Variants in RAD51 observed in about 807,000 individuals in gnomAD.
RAD51 encodes the protein RAD51 recombinase, also known as DNA repair protein RAD51 homolog 1.
A neutral mutation model predicts 41.5 loss-of-function variants in RAD51; 14 were observed. The observed-to-expected ratio is 0.34, with a 90% CI of 0.22 to 0.53. The LOEUF is 0.53. Ranked by LOEUF, RAD51 falls within the 20% of genes least tolerant of loss-of-function variation. RAD51 has a pLI of 0.95. For synonymous variants in RAD51, 136 were observed against 148.6 expected (o/e 0.92, Z 0.62); for missense variants, 234 against 422.0 (o/e 0.55, Z 3.90).
chr15:40,718,879 G>C lies in RAD51; in HGVS notation c.510G>C (p.Arg170=), dbSNP rs749483727. 6.2e-7 allele frequency: 1 copy of C among 1,612,378 alleles called. No homozygotes were observed. The highest frequency in any genetic ancestry group is 1.1e-5 in the South Asian group (1 of 91,056). ...IDTEGTFRPE[R]LLAVAERYGL... is the part of the protein sequence containing the mutation. ...CTGAGGGTACCTTTAGGCCAGAACG[G>C]CTGCTGGCAGTGGCTGAGAGGTAGG... Residue 170 remains arginine, a synonymous_variant, in exon 6 of 10, where the codon CGG becomes CGC. Coordinates refer to ENST00000267868, the MANE Select transcript of RAD51 (RefSeq NM_002875.5).
chr15:40,702,578 T>G (rs45545735), intron 3 of RAD51, among the ~76,000 whole-genome samples: 1,877 of 152,246 alleles, frequency 0.012, 22 homozygotes, highest in Middle Eastern at 0.031. Flanking sequence ...AATGGTGCAA[T>G]TTTGGCTCTG....
At chr15:40,715,050 AG>A in intron 5 of RAD51, among the ~76,000 whole-genome samples, 1 of 152,248 alleles carries the variant, frequency 6.6e-6, no homozygotes, top group East Asian at 1.9e-4. Flanking sequence ...ATTTAACATA[AG>A]TACCAGTTTT....
At chr15:40,710,949 C>A (rs762499539) in intron 5 of RAD51, among the ~76,000 whole-genome samples, 4 of 152,172 alleles carry the variant, frequency 2.6e-5, no homozygotes, top group Non-Finnish European at 4.4e-5. Context: ...AAAAAACCTT[C>A]CCTGGACCCC....
At chr15:40,729,752 G>C in intron 8 of RAD51, 101 bp from the exon 9 acceptor site, 1 of 1,610,336 alleles carries the variant, frequency 6.2e-7, no homozygotes, top group Non-Finnish European at 8.5e-7. Context: ...GAAGAAGAGA[G>C]ACATTAGTTA....
At chr15:40,721,727 A>C (rs185232832) in intron 6 of RAD51, among the ~76,000 whole-genome samples, 143 of 152,324 alleles carry the variant, frequency 9.4e-4, no homozygotes, top group Non-Finnish European at 1.7e-3. Context: ...AAATAACTTT[A>C]GACCCTTACT....
intron 5 of RAD51, 49 bp from the exon 6 acceptor site, chr15:40,718,756 G>A: frequency 2.7e-6 from 4 of 1,462,486 alleles, no homozygotes; most frequent in Non-Finnish European, 2.9e-6. Flanking sequence ...TTGGTCAGCT[G>A]TATCAGAAAT....
At position 40,715,728 on chromosome 15, in the gene RAD51, C is replaced by A. The variant is rs1395867077; in HGVS notation, c.436-3077C>A. ...CACTATCCTGTTGTCAGTCTACCTA[C>A]CTATTCCCAATCATCTGTGGCCTTT... is the stretch of plus-strand genomic sequence containing the variant. On this transcript the variant is annotated intron_variant, in intron 5 of 9. Transcript: ENST00000267868. 2.0e-5 allele frequency among the ~76,000 whole-genome samples: 3 copies of A among 152,180 alleles called. 1 individual carries two copies. Among genetic ancestry groups the A allele is most frequent in the Non-Finnish European group, 2.9e-5 (2 of 68,042 alleles).
At chr15:40,730,917 G>A in intron 9 of RAD51, 138 bp from the exon 10 acceptor site, 2 of 1,156,854 alleles carry the variant, frequency 1.7e-6, no homozygotes, top group South Asian at 1.5e-5. Flanking sequence ...AATGCACTAA[G>A]GAAAACAGTA....
chr15:40,711,350 C>T (rs1895696587), intron 5 of RAD51, among the ~76,000 whole-genome samples: 2 of 152,212 alleles, frequency 1.3e-5, no homozygotes, highest in African/African-American at 4.8e-5. Context: ...ATCTCTTGAG[C>T]CCAAGAGGTC....
chr15:40,710,545 T>C (rs532282354), intron 5 of RAD51, among the ~76,000 whole-genome samples: 1 of 140,332 alleles, frequency 7.1e-6, no homozygotes, highest in Non-Finnish European at 1.6e-5. Flanking sequence ...AGGAAAAAAA[T>C]TCAAGATGAC....
chr15:40,706,525 A>T (rs1454477027), intron 4 of RAD51, among the ~76,000 whole-genome samples: 1 of 152,158 alleles, frequency 6.6e-6, no homozygotes, highest in Non-Finnish European at 1.5e-5. Context: ...GGAGAAACCT[A>T]TTAAAAATAC....
At chr15:40,712,852 G>T (rs1208946613) in intron 5 of RAD51, among the ~76,000 whole-genome samples, 3 of 136,744 alleles carry the variant, frequency 2.2e-5, no homozygotes, top group Admixed American at 1.5e-4. Flanking sequence ...ACTCAACTCT[G>T]TTGAGTTTTT....
At chr15:40,710,034 A>G (rs1895591687) in intron 5 of RAD51, among the ~76,000 whole-genome samples, 1 of 151,918 alleles carries the variant, frequency 6.6e-6, no homozygotes, top group African/African-American at 2.4e-5. Flanking sequence ...CAAGGTCAGG[A>G]GATTGAGACC....
intron 6 of RAD51, among the ~76,000 whole-genome samples, chr15:40,728,490 A>AGACTT (rs1439051619): frequency 2.0e-5 from 3 of 152,110 alleles, no homozygotes; most frequent in African/African-American, 7.2e-5. Flanking sequence ...TTTATCCCAA[A>AGACTT]GACTTGCCAG....
At chr15:40,700,980 CTG>C in intron 2 of RAD51, 82 bp from the exon 3 acceptor site, 1 of 1,498,212 alleles carries the variant, frequency 6.7e-7, no homozygotes, top group South Asian at 1.1e-5. Context: ...TCAAGCACCT[CTG>C]TGAAGTATGT....
In RAD51 at chr15:40,726,912, C is replaced by CAA. The variant is rs529781901; in HGVS notation, c.531-1784_531-1783dup. On this transcript the variant is annotated intron_variant, in intron 6 of 9. Coordinates refer to ENST00000267868, the MANE Select transcript of RAD51 (RefSeq NM_002875.5). ...TGGGCGACAGAGTGAGACTCCGTCTCAAAAAAAAAAAAAAAAGAGGATGGT... is the reference window on the plus strand; with the variant it reads ...TGGGCGACAGAGTGAGACTCCGTCTCAAAAAAAAAAAAAAAAAAGAGGATGGT... Among the ~76,000 whole-genome samples, 462 of 120,510 alleles carry CAA rather than the reference C, an allele frequency of 3.8e-3. 1 individual carries two copies. The highest frequency in any genetic ancestry group is 0.014 in the Middle Eastern group (3 of 222). 79.1% of individuals were successfully genotyped at this position (120,510 alleles called of 152,430 possible).
intron 5 of RAD51, among the ~76,000 whole-genome samples, chr15:40,714,136 A>G (rs751923304): frequency 2.0e-5 from 3 of 151,732 alleles, no homozygotes; most frequent in Non-Finnish European, 4.4e-5. Context: ...GATCCTCATA[A>G]TCATTAGGAA....
intron 4 of RAD51, among the ~76,000 whole-genome samples, chr15:40,708,211 T>C (rs1895478021): frequency 6.7e-6 from 1 of 150,100 alleles, no homozygotes; most frequent in Admixed American, 6.7e-5. Context: ...AGAGACAGGG[T>C]TTCACCATAT....
At chr15:40,716,376 T>A (rs1441357134) in intron 5 of RAD51, among the ~76,000 whole-genome samples, 4 of 145,004 alleles carry the variant, frequency 2.8e-5, no homozygotes, top group Admixed American at 6.8e-5. Flanking sequence ...CACTTCCTCT[T>A]TTTTTTTTTA....
Sources: allele counts gnomAD v4.1 joint callset (sites outside exome capture counted in the v4.1 genomes callset), GRCh38; gene constraint gnomAD v4.1.1; transcripts MANE v1.5; gene names NCBI Gene and HGNC (gene_info 2026-07-23, HGNC 2026-07-21).